DMRT1: variants seen among roughly 807,000 people sequenced by gnomAD.
DMRT1 encodes doublesex and mab-3 related transcription factor 1.
In DMRT1, 7 loss-of-function variants were observed where a neutral mutation model predicts 32.3. The observed-to-expected ratio is 0.22, with a 90% CI of 0.12 to 0.41. The LOEUF (loss-of-function observed/expected upper bound fraction) is 0.41. DMRT1 is among the 10% of genes least tolerant of loss of function. The pLI is 1.00. For synonymous variants in DMRT1, 278 were observed against 206.1 expected (o/e 1.35, Z -2.99); for missense variants, 625 against 500.5 (o/e 1.25, Z -2.37).
At chr9:898,041 C>T (rs1817438749) in intron 3 of DMRT1, among the ~76,000 whole-genome samples, 1 of 150,602 alleles carries the variant, frequency 6.6e-6, no homozygotes, top group Admixed American at 6.7e-5. Context: ...ACAAATAATA[C>T]CTTTAGCTAA....
chr9:931,846 C>T (rs1375969573), intron 4 of DMRT1, among the ~76,000 whole-genome samples: 1 of 152,168 alleles, frequency 6.6e-6, no homozygotes, highest in Non-Finnish European at 1.5e-5. Flanking sequence ...AGACTACATT[C>T]AGTCACTAAC....
intron 2 of DMRT1, among the ~76,000 whole-genome samples, chr9:890,819 A>G (rs970834607): frequency 6.6e-6 from 1 of 152,076 alleles, no homozygotes; most frequent in Admixed American, 6.6e-5. Context: ...GGTTCAAGCA[A>G]TTCTCCTGCC....
chr9:862,704 G>A lies in DMRT1; in HGVS notation c.538+15561G>A, dbSNP rs531150722. 4.6e-5 allele frequency among the ~76,000 whole-genome samples: 7 copies of A among 152,256 alleles called. No individual in the cohort carries two copies. The East Asian group carries it at 1.4e-3, about 29-fold the overall frequency. On this transcript the variant is annotated intron_variant, in intron 2 of 4. Transcript: ENST00000382276. ...ATGGAAAGAAAGGCTGGGACGGGAA[G>A]TCTATACTGGGGGTACGTTGAAGTG...
At chr9:864,550 G>C (rs1564206582) in intron 2 of DMRT1, among the ~76,000 whole-genome samples, 2 of 145,918 alleles carry the variant, frequency 1.4e-5, no homozygotes, top group African/African-American at 2.6e-5. Flanking sequence ...CCAGGCTGGA[G>C]TGCAGTGGTG....
intron 3 of DMRT1, chr9:894,808 T>G (rs995477378): frequency 2.5e-5 from 4 of 160,150 alleles, no homozygotes; most frequent in African/African-American, 9.7e-5. Flanking sequence ...TTTTTGTTTG[T>G]TTGTTTGTTT....
intron 3 of DMRT1, among the ~76,000 whole-genome samples, chr9:914,282 A>T (rs1185478222): frequency 1.3e-5 from 2 of 152,000 alleles, no homozygotes; most frequent in Non-Finnish European, 2.9e-5. Flanking sequence ...TATTTAGTAA[A>T]GATTTAATGT....
At chr9:865,375 A>G (rs1815935311) in intron 2 of DMRT1, among the ~76,000 whole-genome samples, 1 of 152,150 alleles carries the variant, frequency 6.6e-6, no homozygotes, top group East Asian at 1.9e-4. Flanking sequence ...AAATAATAAT[A>G]TCTATCTAGG....
chr9:923,680 A>T (rs1407494143), intron 4 of DMRT1, among the ~76,000 whole-genome samples: 47 of 151,964 alleles, frequency 3.1e-4, no homozygotes, highest in Admixed American at 3.1e-3. Flanking sequence ...TGGGGCAAAG[A>T]CTCAGAGGGC....
chr9:847,865 A>T (rs1396474211), intron 2 of DMRT1, among the ~76,000 whole-genome samples: 1 of 152,218 alleles, frequency 6.6e-6, no homozygotes, highest in Non-Finnish European at 1.5e-5. Flanking sequence ...AAATAAATGA[A>T]AACATTCGGT....
chr9:934,745 T>C (rs1818831371), intron 4 of DMRT1, among the ~76,000 whole-genome samples: 1 of 152,162 alleles, frequency 6.6e-6, no homozygotes, highest in Admixed American at 6.5e-5. Context: ...TGTTAAACAC[T>C]CTCCTTTCCT....
chr9:870,534 A>T (rs1189814816), intron 2 of DMRT1, among the ~76,000 whole-genome samples: 1 of 152,002 alleles, frequency 6.6e-6, no homozygotes, highest in African/African-American at 2.4e-5. Context: ...TCAGCTGTGA[A>T]ATCCTTTTAG....
intron 3 of DMRT1, among the ~76,000 whole-genome samples, chr9:907,208 A>T (rs185076261): frequency 1.5e-3 from 236 of 152,352 alleles, no homozygotes; most frequent in African/African-American, 5.3e-3. Flanking sequence ...AACCAAATTT[A>T]AAAAATACAA....
chr9:966,465 A>G (rs1388135063), intron 4 of DMRT1, among the ~76,000 whole-genome samples: 1 of 152,240 alleles, frequency 6.6e-6, no homozygotes, highest in Non-Finnish European at 1.5e-5. Flanking sequence ...TTGTCAGGAA[A>G]TTGCCTAAAT....
intron 4 of DMRT1, among the ~76,000 whole-genome samples, chr9:957,977 C>G (rs139470972): frequency 6.6e-6 from 1 of 151,998 alleles, no homozygotes; most frequent in African/African-American, 2.4e-5. Context: ...CCACTGCATT[C>G]CAGCTTGGGG....
intron 4 of DMRT1, among the ~76,000 whole-genome samples, chr9:956,082 T>C (rs1349250431): frequency 6.6e-6 from 1 of 152,250 alleles, no homozygotes; most frequent in African/African-American, 2.4e-5. Context: ...TGGAATGTTA[T>C]TTCGTCTTTA....
rs545372785 is a variant in DMRT1 at position 919,706 on chromosome 9, A to C, written c.967+2799A>C. On this transcript the variant is annotated intron_variant, in intron 4 of 4. Coordinates refer to ENST00000382276, the MANE Select transcript of DMRT1 (RefSeq NM_021951.3). ...TGATCACCCTGATGACTGTTTTCTT[A>C]TAGACTATAGGGATGCAAGGGTGGA... Among the ~76,000 whole-genome samples the C allele has an allele frequency of 6.6e-5, 10 of 152,284 alleles. No homozygotes were observed. In the South Asian group the frequency reaches 2.1e-3, roughly 32 times the overall value.
intron 2 of DMRT1, among the ~76,000 whole-genome samples, chr9:853,267 G>A (rs1239621929): frequency 1.3e-5 from 2 of 151,956 alleles, no homozygotes; most frequent in Non-Finnish European, 2.9e-5. Context: ...TCCAGAGTCC[G>A]TAGTTTGCAT....
intron 1 of DMRT1, 37 bp downstream of exon 1, chr9:842,229 A>AGTTTTTTTTTTTTTTTTTTTTTT (rs1838714629): frequency 1.2e-6 from 1 of 845,170 alleles, no homozygotes; most frequent in African/African-American, 3.2e-5. Flanking sequence ...GTTCAGCCTT[A>AGTTTTTTTTTTTTTTTTTTTTTT]GTTTTTTTTT....
rs576281820 is a variant in DMRT1, at chr9:913,710, C to T, written c.823-3053C>T. ...AGGAATTTGAGACCAGCCTAGGCAA[C>T]ATGGAGAAAACGTCTCTACTAAAAA... On this transcript the variant is annotated intron_variant, in intron 3 of 4. Coordinates refer to ENST00000382276, the MANE Select transcript of DMRT1 (RefSeq NM_021951.3). Among the ~76,000 whole-genome samples the T allele has an allele frequency of 4.6e-5, 7 of 151,600 alleles. No homozygotes were observed. In the South Asian group the frequency reaches 8.4e-4, roughly 18 times the overall value.
Sources: gnomAD v4.1 joint callset for allele counts (sites outside exome capture counted in the v4.1 genomes callset) on GRCh38, gnomAD v4.1.1 for gene constraint, MANE v1.5 for transcripts, NCBI Gene and HGNC (gene_info 2026-07-23, HGNC 2026-07-21) for gene names.